Variants in LMNA observed in about 807,000 individuals in gnomAD.
LMNA encodes lamin.
A neutral mutation model predicts 70.4 loss-of-function variants in LMNA; 20 were observed. The observed-to-expected ratio is 0.28, with a 90% CI of 0.20 to 0.41. LMNA has a LOEUF of 0.41. LMNA is among the 10% of genes least tolerant of loss of function. The probability of loss-of-function intolerance (pLI) is 1.00; values close to 1 mark genes in which losing one functional copy is unlikely to be tolerated. For synonymous variants in LMNA, 339 were observed against 372.8 expected (o/e 0.91, Z 1.04); for missense variants, 652 against 917.2 (o/e 0.71, Z 3.73).
Position 156,099,117 on chromosome 1 carries a change from C to T in LMNA, c.-207+8535C>T, listed in dbSNP as rs146552474. ...GGGAGGCAGGCAGGCAAAGGCTGCC[C>T]CACTGTCAGCCCCTTCCTTCCCTTT... On this transcript the variant is annotated intron_variant, in intron 3 of 12. Transcript: ENST00000368301. Among the ~76,000 whole-genome samples, 536 of 152,228 alleles carry T rather than the reference C, an allele frequency of 3.5e-3. 2 individuals carry two copies. Among genetic ancestry groups the T allele is most frequent in the African/African-American group, 0.012 (519 of 41,528 alleles).
chr1:156,112,218 C>G (rs1649567002), upstream of LMNA, among the ~76,000 whole-genome samples: 1 of 152,028 alleles, frequency 6.6e-6, no homozygotes, highest in Non-Finnish European at 1.5e-5. Context: ...AGTTTTAGAC[C>G]AAATTGGGCA....
intron 2 of LMNA, among the ~76,000 whole-genome samples, chr1:156,083,948 C>A (rs976450842): frequency 1.1e-4 from 17 of 152,138 alleles, no homozygotes; most frequent in Non-Finnish European, 2.1e-4. Flanking sequence ...CCCTTTACCC[C>A]ATATTTTCTG....
intron 1 of LMNA, among the ~76,000 whole-genome samples, chr1:156,119,070 TGAGTAGCTGG>T (rs1039995195): frequency 1.3e-5 from 2 of 151,966 alleles, no homozygotes; most frequent in African/African-American, 4.8e-5. Context: ...CTCAGCCTCC[TGAGTAGCTGG>T]GATTACAAGT....
intron 3 of LMNA, among the ~76,000 whole-genome samples, chr1:156,091,711 C>G (rs967003975): frequency 6.6e-6 from 1 of 152,130 alleles, no homozygotes; most frequent in Non-Finnish European, 1.5e-5. Flanking sequence ...ACAAGATAGA[C>G]AAGGTCCCTA....
At chr1:156,099,884 AAAAG>A (rs1285097245) in intron 3 of LMNA, among the ~76,000 whole-genome samples, 5 of 151,582 alleles carry the variant, frequency 3.3e-5, no homozygotes, top group Admixed American at 1.3e-4. Context: ...AAAAAAAAAA[AAAAG>A]AAAAATGCCC....
chr1:156,137,051 C>T lies in LMNA; in HGVS notation c.1488+23C>T. Reference sequence around the variant, plus strand: ...ACGGTGAGTGGCAGGGCGCTTGGGACTCTGGGGAGGCCTTGGGTGGCGATG... The same window carrying T: ...ACGGTGAGTGGCAGGGCGCTTGGGATTCTGGGGAGGCCTTGGGTGGCGATG... On this transcript the variant is annotated intron_variant, in intron 8 of 11. Coordinates refer to ENST00000368300, the MANE Select transcript of LMNA (RefSeq NM_170707.4). The surrounding 1 kb of genome is among the most constrained non-coding windows in gnomAD (Gnocchi z 4.6). 6.2e-7 allele frequency: 1 copy of T among 1,614,158 alleles called. No homozygotes were observed. Among genetic ancestry groups the T allele is most frequent in the Non-Finnish European group, 8.5e-7 (1 of 1,180,028 alleles).
chr1:156,114,579 A>C, upstream of LMNA: 4 of 295,152 alleles, frequency 1.4e-5, no homozygotes, highest in Non-Finnish European at 2.5e-5. Context: ...GCCACACCCC[A>C]ACGGTCCTTC....
At chr1:156,122,150 G>A (rs1650233863) in intron 1 of LMNA, among the ~76,000 whole-genome samples, 1 of 152,112 alleles carries the variant, frequency 6.6e-6, no homozygotes. Context: ...GGGCAAGGTA[G>A]TCCACCAACA....
At chr1:156,129,190 A>C (rs1161471890) in intron 1 of LMNA, among the ~76,000 whole-genome samples, 1 of 152,234 alleles carries the variant, frequency 6.6e-6, no homozygotes, top group Admixed American at 6.5e-5. Flanking sequence ...AGGTGTGGCC[A>C]GAGGCCTGGA....
At chr1:156,098,329 T>C (rs965221435) in intron 3 of LMNA, among the ~76,000 whole-genome samples, 1 of 152,190 alleles carries the variant, frequency 6.6e-6, no homozygotes, top group East Asian at 1.9e-4. Context: ...TGAACTAGAT[T>C]CCCTGTCCAC....
intron 1 of LMNA, chr1:156,126,490 G>A: frequency 1.5e-6 from 1 of 661,982 alleles, no homozygotes; most frequent in East Asian, 2.9e-5. Context: ...GTGACTCAGA[G>A]GGTGGGTCAG....
chr1:156,092,882 CTTTTTTTCTTTTT>C (rs1225637570), intron 3 of LMNA, among the ~76,000 whole-genome samples: 6 of 147,980 alleles, frequency 4.1e-5, no homozygotes, highest in Admixed American at 6.8e-5. Flanking sequence ...CTTTTCTTTT[CTTTTTTTCTTTTT>C]TTTTTTTTTT....
At position 156,137,877 on chromosome 1, in the gene LMNA, TG is replaced by T; in HGVS notation, c.1698+136del. ...TGTTTTGGAACTTTACTCGCTGGCCTGGCCTTTCTTCTCTCTCCTCCCTATA... is the reference window on the plus strand; with the variant it reads ...TGTTTTGGAACTTTACTCGCTGGCCTGCCTTTCTTCTCTCTCCTCCCTATA... On this transcript the variant is annotated intron_variant, in intron 10 of 11. Coordinates refer to ENST00000368300, the MANE Select transcript of LMNA (RefSeq NM_170707.4). This position sits in a 1 kb window ranked among gnomAD's most constrained non-coding sequence, Gnocchi z 4.6. 6.6e-7 allele frequency: 1 copy of T among 1,515,026 alleles called. No individual in the cohort carries two copies. Among genetic ancestry groups the T allele is most frequent in the Non-Finnish European group, 8.8e-7 (1 of 1,134,998 alleles). 93.8% of individuals were successfully genotyped at this position (1,515,026 alleles called of 1,614,324 possible).
upstream of LMNA, among the ~76,000 whole-genome samples, chr1:156,110,997 G>A (rs1053306116): frequency 1.3e-5 from 2 of 152,034 alleles, no homozygotes; most frequent in South Asian, 2.1e-4. Flanking sequence ...GAAACACCGA[G>A]TGCCTGCTGT....
Position 156,136,463 on chromosome 1 carries a change from G to T in LMNA, c.1380+27G>T. On this transcript the variant is annotated intron_variant, in intron 7 of 11. Transcript: ENST00000368300. This position sits in a 1 kb window ranked among gnomAD's most constrained non-coding sequence, Gnocchi z 6.1. ...TAGGCTCCTGCTCAGGGTCTAAGGG[G>T]ATACAGCTGCATCAGGGAGAGAGTG... 2 of 1,543,946 alleles carry T rather than the reference G, an allele frequency of 1.3e-6. No individual in the cohort carries two copies. The highest frequency in any genetic ancestry group is 1.8e-6 in the Non-Finnish European group (2 of 1,141,220).
rs1007374443 is a variant in LMNA at position 156,139,864 on chromosome 1, G to T, written c.*758G>T. 22 of 1,487,754 alleles carry T rather than the reference G, an allele frequency of 1.5e-5. No homozygotes were observed. The highest frequency in any genetic ancestry group is 2.1e-5 in the Admixed American group (1 of 46,614). The allele number at this position is 1,487,754 out of a possible 1,614,324, so 92.2% of individuals were successfully genotyped here. On this transcript the variant is annotated 3_prime_UTR_variant, in exon 12 of 12. Coordinates refer to ENST00000368300, the MANE Select transcript of LMNA (RefSeq NM_170707.4). ...GCTTTAGACCCTGGGTGGGCTCTGT[G>T]CAGTCACTGGAGGTTGAAGCCAAGT...
chr1:156,129,557 G>A (rs1055991423), intron 1 of LMNA, among the ~76,000 whole-genome samples: 1 of 152,134 alleles, frequency 6.6e-6, no homozygotes, highest in East Asian at 1.9e-4. Flanking sequence ...CTTAAGCACT[G>A]ATGAGTTACA....
chr1:156,107,860 G>A (rs1649408992), intron 3 of LMNA, among the ~76,000 whole-genome samples: 1 of 150,650 alleles, frequency 6.6e-6, no homozygotes. Context: ...AGGCTGGAGT[G>A]CAGTGACATG....
Position 156,136,730 on chromosome 1 carries a change from T to G in LMNA, c.1381-191T>G. 5.8e-6 allele frequency: 4 copies of G among 692,084 alleles called. No homozygotes were observed. The South Asian group carries it at 6.2e-5, about 11-fold the overall frequency. 42.9% of individuals were successfully genotyped at this position (692,084 alleles called of 1,614,324 possible). A position where few individuals can be genotyped will look rare whatever the true frequency, so the allele number is the denominator to read the frequency against. On this transcript the variant is annotated intron_variant, in intron 7 of 11. Transcript: ENST00000368300. The surrounding 1 kb of genome is among the most constrained non-coding windows in gnomAD (Gnocchi z 6.1). The stretch of plus-strand genomic sequence containing the variant: ...AGGAAGATGAAAGATAAGGTATCCG[T>G]GTGCCTGGTGCTGCGTATGTGTCCA...
Sources: allele counts gnomAD v4.1 joint callset (sites outside exome capture counted in the v4.1 genomes callset), GRCh38; gene constraint gnomAD v4.1.1; non-coding constraint Gnocchi (gnomAD v3.1); transcripts MANE v1.5; gene names NCBI Gene and HGNC (gene_info 2026-07-23, HGNC 2026-07-21).